Variants in DCBLD1 observed in about 807,000 individuals in gnomAD.
DCBLD1 encodes the protein discoidin, CUB and LCCL domain-containing protein 1.
In DCBLD1, 57 loss-of-function variants were observed where a neutral mutation model predicts 71.5. The observed-to-expected ratio is 0.80, with a 90% confidence interval of 0.64 to 0.99. The LOEUF (loss-of-function observed/expected upper bound fraction) is 0.99. DCBLD1 is among the 50% of genes least tolerant of loss of function. The probability of loss-of-function intolerance (pLI) is 0.00; values close to 1 mark genes in which losing one functional copy is unlikely to be tolerated. For missense variants in DCBLD1, 891 were observed against 923.5 expected (o/e 0.96, Z 0.46); for synonymous variants, 380 against 363.8 (o/e 1.04, Z -0.51).
chr6:117,555,825 T>C (rs909602360), intron 14 of DCBLD1, among the ~76,000 whole-genome samples: 1 of 152,174 alleles, frequency 6.6e-6, no homozygotes, highest in Non-Finnish European at 1.5e-5. Flanking sequence ...TTGGCAAGCA[T>C]GGAAAAAATA....
intron 14 of DCBLD1, chr6:117,562,307 C>T (rs555980598): frequency 1.4e-4 from 28 of 202,878 alleles, no homozygotes; most frequent in South Asian, 3.8e-4. Flanking sequence ...AGAAAACTGC[C>T]GTTTGATTTG....
intron 4 of DCBLD1, among the ~76,000 whole-genome samples, chr6:117,523,475 G>GT (rs1415698557): frequency 1.3e-5 from 2 of 152,154 alleles, no homozygotes; most frequent in Admixed American, 6.5e-5. Context: ...GTATTTTAAT[G>GT]TTTTTTATTA....
At chr6:117,483,002 G>GCCGA in intron 1 of DCBLD1, 109 bp downstream of exon 1, 2 of 1,008,810 alleles carry the variant, frequency 2.0e-6, no homozygotes, top group Non-Finnish European at 2.4e-6. Flanking sequence ...GCCGGGCCTG[G>GCCGA]GGGGACGGAG....
chr6:117,544,385 T>C, intron 12 of DCBLD1, 143 bp from the exon 13 acceptor site: 2 of 627,190 alleles, frequency 3.2e-6, no homozygotes, highest in Admixed American at 3.9e-5. Flanking sequence ...TATGATTTTC[T>C]AAAGCACATG....
At chr6:117,522,988 G>A (rs1325956188) in intron 4 of DCBLD1, among the ~76,000 whole-genome samples, 1 of 152,174 alleles carries the variant, frequency 6.6e-6, no homozygotes, top group Non-Finnish European at 1.5e-5. Context: ...AACAACTCTA[G>A]TGTTAACTAA....
At chr6:117,518,147 G>GT (rs1489266459) in intron 2 of DCBLD1, among the ~76,000 whole-genome samples, 2 of 152,144 alleles carry the variant, frequency 1.3e-5, no homozygotes, top group Admixed American at 6.5e-5. Flanking sequence ...ATTTAGAAAT[G>GT]TTTTCCACGT....
intron 2 of DCBLD1, chr6:117,507,992 A>G (rs1443180064): frequency 6.6e-6 from 1 of 152,042 alleles, no homozygotes; most frequent in Non-Finnish European, 1.5e-5. Context: ...CTTTTTTTCT[A>G]TCAAAACTGC....
chr6:117,507,273 C>G (rs1341816887), intron 2 of DCBLD1, among the ~76,000 whole-genome samples: 2 of 152,248 alleles, frequency 1.3e-5, no homozygotes, highest in Non-Finnish European at 2.9e-5. Context: ...CACATTCTTG[C>G]TAACAAAAAT....
intron 14 of DCBLD1, among the ~76,000 whole-genome samples, chr6:117,557,117 CTTG>C (rs1416992506): frequency 3.3e-5 from 5 of 152,160 alleles, no homozygotes; most frequent in East Asian, 1.9e-4. Context: ...TTAAATCAAG[CTTG>C]TTGTTCAAAT....
At chr6:117,526,131 G>A (rs1778540204) in intron 5 of DCBLD1, among the ~76,000 whole-genome samples, 1 of 152,164 alleles carries the variant, frequency 6.6e-6, no homozygotes, top group African/African-American at 2.4e-5. Flanking sequence ...ATGCCTGTGG[G>A]AAAATAACCT....
intron 14 of DCBLD1, chr6:117,560,969 C>A (rs1416626383): frequency 9.4e-6 from 2 of 212,594 alleles, no homozygotes; most frequent in African/African-American, 4.5e-5. Context: ...TCCTTTGGAA[C>A]TAATAACTAA....
At chr6:117,542,838 G>T (rs1171601462) in intron 11 of DCBLD1, among the ~76,000 whole-genome samples, 3 of 152,018 alleles carry the variant, frequency 2.0e-5, no homozygotes, top group African/African-American at 7.2e-5. Context: ...CAGATTTTTG[G>T]AGTTTAATAT....
intron 14 of DCBLD1, among the ~76,000 whole-genome samples, chr6:117,565,418 C>T (rs576857593): frequency 6.6e-6 from 1 of 152,238 alleles, no homozygotes; most frequent in Admixed American, 6.5e-5. Context: ...AATTTGAAAC[C>T]TTATCAGTGA....
rs1779328850 is a variant in DCBLD1, at chr6:117,548,012, C to A, written c.1721C>A (p.Ala574Asp). 1 of 1,550,300 alleles carries A rather than the reference C, an allele frequency of 6.5e-7. No homozygotes were observed. The highest frequency in any genetic ancestry group is 1.4e-5 in the African/African-American group (1 of 73,058). Residue 574 changes from alanine to aspartate, a missense_variant, in exon 15 of 15, where the codon GCC (alanine) becomes GAC (aspartate). Ala to Asp is a moderately radical substitution (Grantham distance 126). Coordinates refer to ENST00000338728, the MANE Select transcript of DCBLD1 (RefSeq NM_001366458.2). ...DAEEAGVSTD[A>D]GGHYDCPQRA... ...GAGGAGGCAGGGGTGAGCACCGATG[C>A]CGGCGGCCACTATGACTGCCCGCAG...
chr6:117,517,391 C>T (rs1172573179), intron 2 of DCBLD1, among the ~76,000 whole-genome samples: 1 of 152,238 alleles, frequency 6.6e-6, no homozygotes, highest in East Asian at 1.9e-4. Flanking sequence ...AGGGTACAGC[C>T]TCCCTCCCCA....
At chr6:117,550,050 TTTATCA>T (rs1309980782), downstream of DCBLD1, among the ~76,000 whole-genome samples, 15 of 152,236 alleles carry the variant, frequency 9.9e-5, no homozygotes, top group Non-Finnish European at 1.6e-4. Context: ...AGTTGGAACA[TTTATCA>T]AAGTGTTGTC....
chr6:117,561,662 A>AAT, intron 14 of DCBLD1: 1 of 203,384 alleles, frequency 4.9e-6, no homozygotes, highest in East Asian at 7.6e-5. Context: ...TGTACAATTA[A>AAT]ATACTAGCTT....
At chr6:117,492,664 C>T (rs1777333240) in intron 1 of DCBLD1, among the ~76,000 whole-genome samples, 1 of 152,192 alleles carries the variant, frequency 6.6e-6, no homozygotes, top group Non-Finnish European at 1.5e-5. Context: ...ATACATCCAG[C>T]AGTGCAGAAT....
At chr6:117,517,665 AT>A (rs1218610312) in intron 2 of DCBLD1, among the ~76,000 whole-genome samples, 2 of 152,200 alleles carry the variant, frequency 1.3e-5, no homozygotes, top group Non-Finnish European at 2.9e-5. Context: ...CCAAACCCCA[AT>A]TCTTGACTTC....
Sources: allele counts gnomAD v4.1 joint callset (sites outside exome capture counted in the v4.1 genomes callset), GRCh38; gene constraint gnomAD v4.1.1; transcripts MANE v1.5; gene names NCBI Gene and HGNC (gene_info 2026-07-23, HGNC 2026-07-21).